The following MOCOS variants were observed in gnomAD, a reference collection of about 807,000 sequenced individuals.
MOCOS encodes human molybdenum cofactor sulfurase.
In MOCOS, 86 loss-of-function variants were observed where a neutral mutation model predicts 83.6. That is an observed-to-expected ratio of 1.03 (90% CI 0.86 to 1.23). The LOEUF (loss-of-function observed/expected upper bound fraction) is 1.23. Ranked by LOEUF, MOCOS falls within the 50% of genes most tolerant of loss-of-function variation. The pLI, the probability that MOCOS is intolerant of heterozygous loss-of-function variation, is 0.00. For synonymous variants in MOCOS, 445 were observed against 434.7 expected, an observed-to-expected ratio of 1.02 and a Z score of -0.29; for missense variants, 1,120 against 1,126.9, an observed-to-expected ratio of 0.99 and a Z score of 0.09.
intron 9 of MOCOS, among the ~76,000 whole-genome samples, chr18:36,247,610 C>A (rs1196875705): frequency 1.3e-5 from 2 of 152,158 alleles, no homozygotes; most frequent in African/African-American, 4.8e-5. Flanking sequence ...TTATATTTTG[C>A]TTGGCTGCCT....
chr18:36,194,974 AT>A (rs1376417871), intron 1 of MOCOS, among the ~76,000 whole-genome samples: 21 of 152,168 alleles, frequency 1.4e-4, no homozygotes, highest in African/African-American at 4.8e-4. Flanking sequence ...TTCATCACGA[AT>A]GTCTGCTGGG....
intron 9 of MOCOS, 118 bp downstream of exon 9, chr18:36,220,335 AT>A (rs1274358946): frequency 8.0e-7 from 1 of 1,254,944 alleles, no homozygotes; most frequent in Non-Finnish European, 1.1e-6. Flanking sequence ...GTGAGACCTC[AT>A]CTCTACAAAA....
At chr18:36,224,238 A>G (rs1403726036) in intron 9 of MOCOS, among the ~76,000 whole-genome samples, 1 of 152,158 alleles carries the variant, frequency 6.6e-6, no homozygotes, top group Non-Finnish European at 1.5e-5. Context: ...TGATCAAACA[A>G]GGACAATTTT....
rs1318625944 is a variant in MOCOS at position 36,213,483 on chromosome 18, G to T, written c.1335+1G>T. 1.2e-6 allele frequency: 2 copies of T among 1,611,496 alleles called. No homozygotes were observed. Among genetic ancestry groups the T allele is most frequent in the African/African-American group, 2.7e-5 (2 of 74,862 alleles). On this transcript the variant is annotated splice_donor_variant, in intron 7 of 14. Transcript: ENST00000261326. LOFTEE classifies it high-confidence loss of function. Reference sequence around the variant, plus strand: ...CGAGATGGTCAGGAAGCATTTTCAGGTTGGTACAGGGCTCTGCGATCCAGA... The same window carrying T: ...CGAGATGGTCAGGAAGCATTTTCAGTTTGGTACAGGGCTCTGCGATCCAGA...
chr18:36,251,592 G>T (rs1187887132), intron 11 of MOCOS, among the ~76,000 whole-genome samples: 1 of 152,154 alleles, frequency 6.6e-6, no homozygotes, highest in Non-Finnish European at 1.5e-5. Context: ...CTAATAGCTT[G>T]CTATGTCCTC....
At chr18:36,210,455 C>A (rs1177520683) in intron 6 of MOCOS, among the ~76,000 whole-genome samples, 1 of 152,094 alleles carries the variant, frequency 6.6e-6, no homozygotes, top group Non-Finnish European at 1.5e-5. Context: ...ATTTTAAATG[C>A]TTTTGGAGGG....
At chr18:36,255,529 G>A (rs866839779) in intron 11 of MOCOS, among the ~76,000 whole-genome samples, 6 of 152,290 alleles carry the variant, frequency 3.9e-5, no homozygotes, top group African/African-American at 1.4e-4. Context: ...CTGAGGGAGT[G>A]TGCTTTAGGA....
intron 2 of MOCOS, among the ~76,000 whole-genome samples, chr18:36,196,103 G>C (rs1045475438): frequency 6.6e-6 from 1 of 152,180 alleles, no homozygotes; most frequent in Non-Finnish European, 1.5e-5. Context: ...GAATGGGGAG[G>C]GAGGGAGAAG....
At chr18:36,227,773 A>T (rs1382356007) in intron 9 of MOCOS, among the ~76,000 whole-genome samples, 1 of 152,188 alleles carries the variant, frequency 6.6e-6, no homozygotes, top group Non-Finnish European at 1.5e-5. Context: ...GGACATAAGT[A>T]AGGGCAAAGG....
intron 9 of MOCOS, among the ~76,000 whole-genome samples, chr18:36,239,753 C>T (rs1382735257): frequency 6.7e-6 from 1 of 149,168 alleles, no homozygotes; most frequent in Admixed American, 6.7e-5. Flanking sequence ...TCCATTCTCC[C>T]CATCACTTTC....
At chr18:36,203,836 G>T (rs1342258695) in intron 5 of MOCOS, among the ~76,000 whole-genome samples, 1 of 152,206 alleles carries the variant, frequency 6.6e-6, no homozygotes, top group Non-Finnish European at 1.5e-5. Flanking sequence ...TGATGGCAAT[G>T]CAGGGAGGTG....
intron 5 of MOCOS, among the ~76,000 whole-genome samples, chr18:36,204,442 C>G (rs1245194144): frequency 1.3e-5 from 2 of 152,096 alleles, no homozygotes; most frequent in Admixed American, 6.5e-5. Flanking sequence ...ATAATAAAAA[C>G]AAACAGCAAA....
chr18:36,211,866 G>A (rs1039352832), intron 6 of MOCOS, among the ~76,000 whole-genome samples: 18 of 152,192 alleles, frequency 1.2e-4, no homozygotes, highest in African/African-American at 4.3e-4. Flanking sequence ...AGTGCCGGGA[G>A]GATGACACTG....
intron 1 of MOCOS, among the ~76,000 whole-genome samples, chr18:36,191,750 GCACACA>G (rs5824000): frequency 3.0e-4 from 45 of 147,814 alleles, no homozygotes; most frequent in African/African-American, 8.1e-4. Context: ...AAATACGTGT[GCACACA>G]CACACACACA....
rs2091620287 is a variant in MOCOS at position 36,251,166 on chromosome 18, A to G, written c.2047A>G (p.Thr683Ala). The change falls in exon 11 of 15, where the codon ACT (threonine) becomes GCT (alanine). Residue 683 changes from threonine (T) to alanine (A), a missense_variant. By Grantham distance (58) the Thr-to-Ala change is moderately conservative (BLOSUM62 0). Transcript: ENST00000261326. ...QSRVCADRVSTYDCGEKISSW... is the reference protein window; with the variant it reads ...QSRVCADRVSAYDCGEKISSW... ...CTCTCTCTCTTTTGCCAGAGTAAGT[A>G]CTTATGATTGTGGAGAAAAAATTTC... 6.2e-7 allele frequency: 1 copy of G among 1,612,866 alleles called. No individual in the cohort carries two copies. Among genetic ancestry groups the G allele is most frequent in the Non-Finnish European group, 8.5e-7 (1 of 1,178,952 alleles).
intron 3 of MOCOS, 29 bp downstream of exon 3, chr18:36,198,785 G>A: frequency 6.2e-7 from 1 of 1,607,492 alleles, no homozygotes; most frequent in Non-Finnish European, 8.5e-7. Flanking sequence ...TGCCTGACTG[G>A]GCATACCTAG....
intron 9 of MOCOS, among the ~76,000 whole-genome samples, chr18:36,221,242 A>G (rs1341666804): frequency 6.6e-6 from 1 of 152,230 alleles, no homozygotes; most frequent in African/African-American, 2.4e-5. Context: ...CTTAATTTTA[A>G]TTAGTTTAAA....
At chr18:36,260,199 T>A (rs764604941) in intron 13 of MOCOS, 24 bp downstream of exon 13, 3 of 1,614,014 alleles carry the variant, frequency 1.9e-6, no homozygotes, top group Non-Finnish European at 2.5e-6. Context: ...AGTTCTATTA[T>A]CCTTCCTCCA....
chr18:36,235,700 C>T (rs1480842187), intron 9 of MOCOS, among the ~76,000 whole-genome samples: 5 of 151,720 alleles, frequency 3.3e-5, no homozygotes, highest in African/African-American at 7.3e-5. Context: ...CCTGAGGAAT[C>T]GCCACACTGA....
Sources: gnomAD v4.1 joint callset for allele counts (sites outside exome capture counted in the v4.1 genomes callset) on GRCh38, gnomAD v4.1.1 for gene constraint, MANE v1.5 for transcripts, NCBI Gene and HGNC (gene_info 2026-07-23, HGNC 2026-07-21) for gene names.